The following LRRC37A2 variants were observed in gnomAD, a reference collection of about 807,000 sequenced individuals.
LRRC37A2 encodes the protein leucine-rich repeat-containing protein 37A2.
A neutral mutation model predicts 68.8 loss-of-function variants in LRRC37A2; 9 were observed. The ratio of observed to expected loss-of-function variants is 0.13; its 90% confidence interval spans 0.08 to 0.23. The LOEUF (loss-of-function observed/expected upper bound fraction) is 0.23. Ranked by LOEUF, LRRC37A2 falls within the 10% of genes least tolerant of loss-of-function variation. The pLI is 1.00. For missense variants in LRRC37A2, 168 were observed against 950.4 expected, an observed-to-expected ratio of 0.18 and a Z score of 10.82; for synonymous variants, 63 against 367.6, an observed-to-expected ratio of 0.17 and a Z score of 9.48.
chr17:46,804,078 C>T, the LRRC37A2 span, among the ~76,000 whole-genome samples: 2 of 151,792 alleles, frequency 1.3e-5, no homozygotes, highest in African/African-American at 4.8e-5. Flanking sequence ...TCCTGCTCTT[C>T]TGTTTTTGTT....
At chr17:46,804,043 A>G in the LRRC37A2 span, among the ~76,000 whole-genome samples, 2 of 152,028 alleles carry the variant, frequency 1.3e-5, no homozygotes, top group South Asian at 4.1e-4. Context: ...CTTGACTTGC[A>G]TATTTGTCTT....
At chr17:46,956,974 C>T in the LRRC37A2 span, among the ~76,000 whole-genome samples, 43 of 152,252 alleles carry the variant, frequency 2.8e-4, no homozygotes, top group East Asian at 4.3e-3. Flanking sequence ...ATAAAGGTTG[C>T]GGGGGTGAGC....
chr17:46,993,743 G>C, the LRRC37A2 span, among the ~76,000 whole-genome samples: 1 of 152,220 alleles, frequency 6.6e-6, no homozygotes, highest in African/African-American at 2.4e-5. Flanking sequence ...TCTTCGTGGG[G>C]CTGCTCACTC....
the LRRC37A2 span, among the ~76,000 whole-genome samples, chr17:47,029,994 C>T: frequency 6.6e-6 from 1 of 150,744 alleles, no homozygotes; most frequent in Admixed American, 6.6e-5. Flanking sequence ...AACCAGGAGG[C>T]GGAGGTTGCA....
the LRRC37A2 span, among the ~76,000 whole-genome samples, chr17:46,841,766 G>A: frequency 1.3e-5 from 2 of 152,226 alleles, no homozygotes; most frequent in Admixed American, 6.5e-5. Flanking sequence ...TGAGGCAGGC[G>A]GACAGGGAAG....
At chr17:46,492,228 G>T in the LRRC37A2 span, among the ~76,000 whole-genome samples, 159 of 151,366 alleles carry the variant, frequency 1.1e-3, 16 homozygotes, top group African/African-American at 3.8e-3. Context: ...GCCTCCCATG[G>T]TGCCGGGATT....
the LRRC37A2 span, among the ~76,000 whole-genome samples, chr17:46,866,189 G>A: frequency 6.6e-6 from 1 of 152,074 alleles, no homozygotes; most frequent in African/African-American, 2.4e-5. Flanking sequence ...ACAGCAGGAG[G>A]GGAGAGAAGC....
At chr17:46,533,456 A>G (rs2054028838) in intron 6 of LRRC37A2, among the ~76,000 whole-genome samples, 1 of 139,490 alleles carries the variant, frequency 7.2e-6, no homozygotes, top group Non-Finnish European at 1.5e-5. Flanking sequence ...TATGTTCATC[A>G]ACTAGATTTA....
the LRRC37A2 span, among the ~76,000 whole-genome samples, chr17:46,804,985 G>A: frequency 7.3e-6 from 1 of 137,566 alleles, no homozygotes; most frequent in East Asian, 2.1e-4. Flanking sequence ...TGGAAACTTT[G>A]TTCTTTTGCT....
chr17:47,038,797 G>A, the LRRC37A2 span, among the ~76,000 whole-genome samples: 12 of 110,036 alleles, frequency 1.1e-4, no homozygotes, highest in Admixed American at 5.2e-4. Context: ...AGGTTCAAGC[G>A]ATTCTAGTGC....
the LRRC37A2 span, among the ~76,000 whole-genome samples, chr17:46,858,842 T>TA: frequency 6.6e-6 from 1 of 152,242 alleles, no homozygotes; most frequent in Admixed American, 6.5e-5. Context: ...AATTTTTTAT[T>TA]TTTTTGTAGA....
chr17:46,923,164 C>G, the LRRC37A2 span: 2 of 1,460,116 alleles, frequency 1.4e-6, no homozygotes, highest in Non-Finnish European at 1.9e-6. Flanking sequence ...GAAGCCAGAG[C>G]CGGAGCCGTG....
chr17:46,573,865 CTATT>C, the LRRC37A2 span, among the ~76,000 whole-genome samples: 3 of 73,326 alleles, frequency 4.1e-5, 1 homozygote, highest in African/African-American at 1.2e-4. Context: ...CATGCCCGGC[CTATT>C]TATTTATTTT....
chr17:46,899,307 G>A, the LRRC37A2 span, among the ~76,000 whole-genome samples: 1 of 152,236 alleles, frequency 6.6e-6, no homozygotes, highest in African/African-American at 2.4e-5. Flanking sequence ...AGGAGGCTGA[G>A]GTGGGAGGAT....
At chr17:46,784,984 A>G in the LRRC37A2 span, among the ~76,000 whole-genome samples, 35 of 152,078 alleles carry the variant, frequency 2.3e-4, no homozygotes, top group South Asian at 4.1e-4. Context: ...TCACTGTGTT[A>G]GCCAGGATGG....
intron 6 of LRRC37A2, among the ~76,000 whole-genome samples, chr17:46,527,690 G>T (rs1429858407): frequency 1.6e-4 from 7 of 45,032 alleles, no homozygotes; most frequent in Admixed American, 6.9e-4. Flanking sequence ...AATTTACCAG[G>T]TGCTGTTTAT....
the LRRC37A2 span, chr17:46,755,788 T>C: frequency 6.2e-7 from 1 of 1,609,096 alleles, no homozygotes; most frequent in Non-Finnish European, 8.5e-7. Context: ...TGTGTTTTGG[T>C]ATTTCTTTTG....
chr17:46,806,350 C>T, the LRRC37A2 span, among the ~76,000 whole-genome samples: 5 of 151,764 alleles, frequency 3.3e-5, 1 homozygote, highest in Admixed American at 3.3e-4. Flanking sequence ...GCTGGGATTA[C>T]AGGCACGTGC....
the LRRC37A2 span, among the ~76,000 whole-genome samples, chr17:46,779,093 ACACACACACACC>A: frequency 1.7e-5 from 2 of 121,160 alleles, no homozygotes; most frequent in African/African-American, 2.7e-5. Flanking sequence ...ACACACACAC[ACACACACACACC>A]CCAGCCCACT....
Sources: gnomAD v4.1 joint callset for allele counts (sites outside exome capture counted in the v4.1 genomes callset) on GRCh38, gnomAD v4.1.1 for gene constraint, MANE v1.5 for transcripts, NCBI Gene and HGNC (gene_info 2026-07-23, HGNC 2026-07-21) for gene names.